The following MOV10L1 variants were observed in gnomAD, a reference collection of about 807,000 sequenced individuals.
MOV10L1 encodes the protein Mov10 like RNA helicase 1.
In MOV10L1, 110 loss-of-function variants were observed where a neutral mutation model predicts 143.8. The ratio of observed to expected loss-of-function variants is 0.76; its 90% CI spans 0.66 to 0.90. MOV10L1 has a LOEUF of 0.90. MOV10L1 is among the 40% of genes least tolerant of loss of function. The probability of loss-of-function intolerance (pLI) is 0.00; values close to 1 mark genes in which losing one functional copy is unlikely to be tolerated. For missense variants in MOV10L1, 1,406 were observed against 1,526.8 expected (o/e 0.92, Z 1.32); for synonymous variants, 593 against 581.1 (o/e 1.02, Z -0.29).
intron 14 of MOV10L1, among the ~76,000 whole-genome samples, 187 bp downstream of exon 14, chr22:50,134,252 TA>T (rs1225100213): frequency 6.6e-6 from 1 of 152,250 alleles, no homozygotes; most frequent in Non-Finnish European, 1.5e-5. Context: ...GAATAACTAA[TA>T]ATAGCATGCT....
intron 2 of MOV10L1, among the ~76,000 whole-genome samples, chr22:50,097,848 G>T (rs958616926): frequency 6.6e-6 from 1 of 151,948 alleles, no homozygotes; most frequent in Non-Finnish European, 1.5e-5. Context: ...TTTGTTGTTT[G>T]TTTGAGACAG....
chr22:50,117,332 G>A lies in MOV10L1; in HGVS notation c.1435G>A (p.Val479Ile). 1 of 1,613,908 alleles carries A rather than the reference G, an allele frequency of 6.2e-7. No homozygotes were observed. The highest frequency in any genetic ancestry group is 8.5e-7 in the Non-Finnish European group (1 of 1,179,962). Residue 479 changes from valine (V) to isoleucine (I), a missense_variant, in exon 9 of 27, where the codon GTT becomes ATT. Physicochemically the swap from Val to Ile is conservative, Grantham distance 29. This residue lies in a region of MOV10L1 where 1,233 missense variants were observed against 1,351.4 expected (regional missense o/e 0.91). Coordinates refer to ENST00000262794, the MANE Select transcript of MOV10L1 (RefSeq NM_018995.3). Reference protein sequence around the residue: ...QALTSAKTTVVVTAQKRNSRR... With the variant: ...QALTSAKTTVIVTAQKRNSRR... ...GTTAACATCCGCAAAAACTACAGTT[G>A]TTGTGACCGCACAGAAAAGGTACCA...
chr22:50,103,020 C>T (rs2061784549), intron 3 of MOV10L1, among the ~76,000 whole-genome samples: 1 of 152,180 alleles, frequency 6.6e-6, no homozygotes, highest in South Asian at 2.1e-4. Context: ...GAGGCTAGGG[C>T]AGAGCTGAGC....
intron 17 of MOV10L1, chr22:50,143,435 G>T (rs915272174): frequency 1.9e-5 from 11 of 569,660 alleles, no homozygotes; most frequent in Non-Finnish European, 3.4e-5. Context: ...TTTTTAGCCT[G>T]GTAAACTATT....
Position 50,159,037 on chromosome 22 carries a change from C to T in MOV10L1, c.3217-641C>T, listed in dbSNP as rs73187226. 0.23 allele frequency: 35,324 copies of T among 152,010 alleles called. 5,036 individuals are homozygous for T. The highest frequency in any genetic ancestry group is 0.32 in the Non-Finnish European group (21,980 of 67,934). 9.4% of individuals were successfully genotyped at this position (152,010 alleles called of 1,614,324 possible). ...GTAGGTGCCATCCTGCTGAGACATC[C>T]AGCTTAGAGCTGCCATCCTCAGCTC... is the stretch of plus-strand genomic sequence containing the variant. On this transcript the variant is annotated intron_variant, in intron 23 of 26. Coordinates refer to ENST00000262794, the MANE Select transcript of MOV10L1 (RefSeq NM_018995.3). The surrounding 1 kb of genome is among the most constrained non-coding windows in gnomAD (Gnocchi z 4.1).
chr22:50,144,318 G>C, intron 18 of MOV10L1, 75 bp downstream of exon 18: 1 of 1,506,120 alleles, frequency 6.6e-7, no homozygotes, highest in Non-Finnish European at 8.9e-7. Flanking sequence ...GTGGACAGGG[G>C]AGGGCAGGGG....
chr22:50,159,653 G>C lies in MOV10L1; in HGVS notation c.3217-25G>C. ...ATGGATTTGTACAGTGTTATCTTTA[G>C]TCTTTCTTTTAATCTGTTCTCAAGG... On this transcript the variant is annotated intron_variant, in intron 23 of 26. Coordinates refer to ENST00000262794, the MANE Select transcript of MOV10L1 (RefSeq NM_018995.3). The surrounding 1 kb of genome is among the most constrained non-coding windows in gnomAD (Gnocchi z 4.1). The C allele has an allele frequency of 7.0e-7, 1 of 1,420,494 alleles. No individual in the cohort carries two copies. The highest frequency in any genetic ancestry group is 9.9e-7 in the Non-Finnish European group (1 of 1,014,810). 88.0% of individuals were successfully genotyped at this position (1,420,494 alleles called of 1,614,324 possible).
At chr22:50,137,518 G>A (rs2062852935) in intron 15 of MOV10L1, among the ~76,000 whole-genome samples, 2 of 151,934 alleles carry the variant, frequency 1.3e-5, no homozygotes, top group Admixed American at 1.3e-4. Context: ...TCCAGCGTGG[G>A]CAATAGAATA....
chr22:50,108,559 C>A, intron 4 of MOV10L1, 98 bp from the exon 5 acceptor site: 1 of 1,335,242 alleles, frequency 7.5e-7, no homozygotes, highest in Non-Finnish European at 1.1e-6. Context: ...CTTCCTGGTG[C>A]AGCTTGTGTG....
intron 15 of MOV10L1, among the ~76,000 whole-genome samples, chr22:50,134,939 A>G (rs2062781402): frequency 6.6e-6 from 1 of 152,200 alleles, no homozygotes; most frequent in African/African-American, 2.4e-5. Flanking sequence ...GATGGCTACA[A>G]TATATTAAAT....
At chr22:50,094,014 A>G (rs577528751) in intron 2 of MOV10L1, 6 of 152,330 alleles carry the variant, frequency 3.9e-5, no homozygotes, top group African/African-American at 1.4e-4. Context: ...AGGGGGCCCC[A>G]TGGCATGGTT....
At position 50,158,121 on chromosome 22, in the gene MOV10L1, T is replaced by C; in HGVS notation, c.3131T>C (p.Leu1044Pro). ...WFNPAEAVQV[L>P]RYCCLLAHSI... ...AACCCGGCCGAGGCCGTCCAGGTCC[T>C]GCGCTACTGCTGCCTCCTGGCCCAC... Residue 1044 changes from leucine to proline, a missense_variant, in exon 23 of 27, where the codon CTG (leucine) becomes CCG (proline). Leu to Pro is a moderately conservative substitution (Grantham distance 98). This residue lies in a region of MOV10L1 where 1,233 missense variants were observed against 1,351.4 expected (regional missense o/e 0.91). Coordinates refer to ENST00000262794, the MANE Select transcript of MOV10L1 (RefSeq NM_018995.3). The surrounding 1 kb of genome is among the most constrained non-coding windows in gnomAD (Gnocchi z 5.0). 2 of 1,614,210 alleles carry C rather than the reference T, an allele frequency of 1.2e-6. No individual in the cohort carries two copies. The highest frequency in any genetic ancestry group is 1.7e-6 in the Non-Finnish European group (2 of 1,180,042).
intron 13 of MOV10L1, among the ~76,000 whole-genome samples, chr22:50,130,845 CGTT>C (rs1193595425): frequency 1.3e-5 from 2 of 152,134 alleles, no homozygotes; most frequent in East Asian, 3.9e-4. Context: ...AGGGATATCT[CGTT>C]GTGGATTTAA....
chr22:50,110,969 G>A (rs2062008341), intron 5 of MOV10L1, among the ~76,000 whole-genome samples: 1 of 152,050 alleles, frequency 6.6e-6, no homozygotes, highest in African/African-American at 2.4e-5. Context: ...CTGTATCTGT[G>A]TTCTTCTTTG....
intron 3 of MOV10L1, 140 bp downstream of exon 3, chr22:50,099,742 G>T: frequency 2.0e-6 from 2 of 998,704 alleles, no homozygotes; most frequent in Middle Eastern, 3.3e-4. Flanking sequence ...GAGCCCAGGA[G>T]TTGGAGGCTG....
intron 4 of MOV10L1, 135 bp from the exon 5 acceptor site, chr22:50,108,522 C>T (rs2065807224): frequency 2.2e-6 from 2 of 912,384 alleles, no homozygotes; most frequent in East Asian, 2.5e-5. Flanking sequence ...AATCACTGGA[C>T]CAGTGCTACG....
rs2062416667 is a variant in MOV10L1 at position 50,123,700 on chromosome 22, G to A, written c.1570-1692G>A. ...AAGTCAGAGAGTATTCCCTCCTCTT[G>A]AATTTTTTGGAAAAGTTTGAGAAAG... On this transcript the variant is annotated intron_variant, in intron 10 of 26. Coordinates refer to ENST00000262794, the MANE Select transcript of MOV10L1 (RefSeq NM_018995.3). Among the ~76,000 whole-genome samples, 3 of 152,154 alleles carry A rather than the reference G, an allele frequency of 2.0e-5. No individual in the cohort carries two copies. The South Asian group carries it at 6.2e-4, about 32-fold the overall frequency.
intron 3 of MOV10L1, among the ~76,000 whole-genome samples, chr22:50,101,031 G>A (rs962123602): frequency 4.6e-5 from 7 of 152,234 alleles, no homozygotes; most frequent in Middle Eastern, 6.8e-3. Context: ...GGCAGGAATT[G>A]GAAAAGCTGC....
chr22:50,112,878 C>T (rs550360212), intron 5 of MOV10L1, among the ~76,000 whole-genome samples: 11 of 152,362 alleles, frequency 7.2e-5, no homozygotes, highest in African/African-American at 2.4e-4. Flanking sequence ...ACTCTCTGCC[C>T]CTGTACCTCC....
Sources: gnomAD v4.1 joint callset for allele counts (sites outside exome capture counted in the v4.1 genomes callset) on GRCh38, gnomAD v4.1.1 for gene constraint, gnomAD v4.1.1 regional missense constraint, Gnocchi (gnomAD v3.1) non-coding constraint, MANE v1.5 for transcripts, NCBI Gene and HGNC (gene_info 2026-07-23, HGNC 2026-07-21) for gene names.